SDK1: variants seen among roughly 807,000 people sequenced by gnomAD.
The protein encoded by SDK1 is sidekick cell adhesion molecule 1, also known as protein sidekick-1.
Under a neutral mutation model 245.5 loss-of-function variants are expected in SDK1, and 157 were observed. The ratio of observed to expected loss-of-function variants is 0.64; its 90% CI spans 0.56 to 0.73. SDK1 has a LOEUF of 0.73. SDK1 is among the 30% of genes least tolerant of loss of function. The probability of loss-of-function intolerance (pLI) is 0.00; values close to 1 mark genes in which losing one functional copy is unlikely to be tolerated. For synonymous variants in SDK1, 1,647 were observed against 1,278.5 expected, an observed-to-expected ratio of 1.29 and a Z score of -6.15; for missense variants, 3,583 against 3,002.3, an observed-to-expected ratio of 1.19 and a Z score of -4.52.
At chr7:3,967,739 G>A (rs570908253) in intron 10 of SDK1, among the ~76,000 whole-genome samples, 3 of 152,266 alleles carry the variant, frequency 2.0e-5, no homozygotes, top group South Asian at 2.1e-4. Context: ...TCACTGGAGG[G>A]TGTGCGTTCC....
intron 44 of SDK1, among the ~76,000 whole-genome samples, chr7:4,262,477 C>A (rs1272834376): frequency 6.6e-6 from 1 of 151,546 alleles, no homozygotes; most frequent in South Asian, 2.1e-4. Flanking sequence ...AAAAAAAAAG[C>A]CTCAAAGGGA....
chr7:3,836,876 C>G (rs920519040), intron 5 of SDK1, among the ~76,000 whole-genome samples: 4 of 152,104 alleles, frequency 2.6e-5, no homozygotes, highest in Non-Finnish European at 5.9e-5. Context: ...ACCAGCTTTG[C>G]CAGCCAGGTT....
chr7:3,437,488 T>A (rs75073547), intron 1 of SDK1, among the ~76,000 whole-genome samples: 6,083 of 152,256 alleles, frequency 0.04, 164 homozygotes, highest in Middle Eastern at 0.065. Flanking sequence ...TTACGTGTGA[T>A]CGGCTGGGTG....
intron 1 of SDK1, among the ~76,000 whole-genome samples, chr7:3,574,124 T>C (rs570899974): frequency 2.8e-4 from 39 of 138,010 alleles, no homozygotes; most frequent in African/African-American, 1.2e-3. Context: ...TTTTTTTTTC[T>C]TTTTTTTTTT....
At chr7:3,480,461 A>T (rs1781483650) in intron 1 of SDK1, among the ~76,000 whole-genome samples, 1 of 151,524 alleles carries the variant, frequency 6.6e-6, no homozygotes, top group African/African-American at 2.4e-5. Flanking sequence ...TGTTCCAGAT[A>T]AGCTGCCTGC....
At chr7:3,565,649 A>G (rs905343380) in intron 1 of SDK1, among the ~76,000 whole-genome samples, 1 of 152,216 alleles carries the variant, frequency 6.6e-6, no homozygotes, top group African/African-American at 2.4e-5. Context: ...AGATACCACA[A>G]TTCACAGATG....
intron 1 of SDK1, among the ~76,000 whole-genome samples, chr7:3,416,444 T>C (rs1383700914): frequency 2.7e-5 from 4 of 150,660 alleles, no homozygotes; most frequent in African/African-American, 9.8e-5. Flanking sequence ...AGTCACTGTA[T>C]TTCCACATGG....
At chr7:3,670,371 G>A (rs763635640) in intron 4 of SDK1, among the ~76,000 whole-genome samples, 12 of 152,048 alleles carry the variant, frequency 7.9e-5, no homozygotes, top group Non-Finnish European at 1.6e-4. Flanking sequence ...TATTGGTTAC[G>A]TTCTTAGTTT....
intron 1 of SDK1, among the ~76,000 whole-genome samples, chr7:3,529,346 A>C (rs140185899): frequency 6.6e-6 from 1 of 152,328 alleles, no homozygotes; most frequent in African/African-American, 2.4e-5. Context: ...CCTTGAAGGA[A>C]TAGTTAATTC....
intron 5 of SDK1, among the ~76,000 whole-genome samples, chr7:3,896,614 C>T (rs1296428505): frequency 1.3e-5 from 2 of 152,216 alleles, no homozygotes; most frequent in African/African-American, 4.8e-5. Flanking sequence ...ATTGGGAACT[C>T]TTTCAAGGCA....
intron 1 of SDK1, among the ~76,000 whole-genome samples, chr7:3,341,627 C>G (rs981877549): frequency 1.3e-5 from 2 of 152,132 alleles, no homozygotes; most frequent in African/African-American, 4.8e-5. Flanking sequence ...AGGATCAACA[C>G]AAAAACCATG....
chr7:3,499,135 T>C (rs1583955649), intron 1 of SDK1, among the ~76,000 whole-genome samples: 1 of 152,234 alleles, frequency 6.6e-6, no homozygotes, highest in African/African-American at 2.4e-5. Context: ...ACTGGAATTA[T>C]TTGTTTGGAA....
intron 40 of SDK1, among the ~76,000 whole-genome samples, chr7:4,226,684 C>T (rs1256347643): frequency 1.3e-5 from 2 of 152,188 alleles, no homozygotes; most frequent in Non-Finnish European, 2.9e-5. Flanking sequence ...TCTGGCTGTG[C>T]GTAAGTTTCC....
intron 1 of SDK1, among the ~76,000 whole-genome samples, chr7:3,606,839 T>C (rs892002743): frequency 6.9e-6 from 1 of 145,120 alleles, no homozygotes; most frequent in Non-Finnish European, 1.6e-5. Context: ...TGTATGTGTC[T>C]TCCTGAAAAA....
At chr7:3,959,428 G>A (rs373120441) in intron 8 of SDK1, among the ~76,000 whole-genome samples, 5 of 152,178 alleles carry the variant, frequency 3.3e-5, no homozygotes, top group African/African-American at 9.7e-5. Flanking sequence ...GGAGATGGGT[G>A]TACATGTATT....
intron 35 of SDK1, among the ~76,000 whole-genome samples, chr7:4,183,528 G>A (rs1401200058): frequency 2.0e-5 from 3 of 151,788 alleles, no homozygotes; most frequent in South Asian, 4.2e-4. Flanking sequence ...CCAGCTACTC[G>A]GGAGGCGGAG....
chr7:4,179,904 C>T lies in SDK1; in HGVS notation c.5098+1318C>T, dbSNP rs551643541. ...TCGGGGGAGCACAGGAAAGGAGGGC[C>T]GGGAACTACAGTGTCTGAACTGCAA... is the stretch of plus-strand genomic sequence containing the variant. On this transcript the variant is annotated intron_variant, in intron 35 of 44. Coordinates refer to ENST00000404826, the MANE Select transcript of SDK1 (RefSeq NM_152744.4). Among the ~76,000 whole-genome samples the T allele has an allele frequency of 5.9e-5, 9 of 151,744 alleles. No individual in the cohort carries two copies. In the South Asian group the frequency reaches 1.2e-3, roughly 21 times the overall value.
intron 5 of SDK1, among the ~76,000 whole-genome samples, chr7:3,857,735 A>G (rs962475492): frequency 2.6e-5 from 4 of 152,062 alleles, no homozygotes; most frequent in African/African-American, 9.7e-5. Context: ...GAATATTAGG[A>G]TTAATGAGAG....
intron 22 of SDK1, among the ~76,000 whole-genome samples, chr7:4,103,900 T>C (rs1452483942): frequency 6.6e-6 from 1 of 152,252 alleles, no homozygotes; most frequent in Non-Finnish European, 1.5e-5. Flanking sequence ...TCAGACGCTC[T>C]CAGTTCCAGC....
Sources: gnomAD v4.1 joint callset for allele counts (sites outside exome capture counted in the v4.1 genomes callset) on GRCh38, gnomAD v4.1.1 for gene constraint, MANE v1.5 for transcripts, NCBI Gene and HGNC (gene_info 2026-07-23, HGNC 2026-07-21) for gene names.